Variants in DMXL2 observed in about 807,000 individuals in gnomAD.
DMXL2 encodes the protein Dmx like 2.
Under a neutral mutation model 331.1 loss-of-function variants are expected in DMXL2, and 103 were observed. The ratio of observed to expected loss-of-function variants is 0.31; its 90% confidence interval spans 0.27 to 0.37. DMXL2 has a LOEUF of 0.37. Ranked by LOEUF, DMXL2 falls within the 10% of genes least tolerant of loss-of-function variation. The probability of loss-of-function intolerance (pLI) is 1.00; values close to 1 mark genes in which losing one functional copy is unlikely to be tolerated. For missense variants in DMXL2, 3,171 were observed against 3,642.9 expected (o/e 0.87, Z 3.33); for synonymous variants, 1,281 against 1,252.1 (o/e 1.02, Z -0.49).
chr15:51,535,589 A>T (rs1307108796), intron 13 of DMXL2, 74 bp downstream of exon 13: 3 of 1,393,432 alleles, frequency 2.2e-6, no homozygotes, highest in Non-Finnish European at 2.9e-6. Context: ...ACTAACAAAC[A>T]CAGGTCCTAG....
At chr15:51,464,643 G>A (rs774532038) in intron 32 of DMXL2, 32 bp downstream of exon 32, 54 of 1,585,498 alleles carry the variant, frequency 3.4e-5, no homozygotes, top group Non-Finnish European at 4.3e-5. Flanking sequence ...GTTAAGCTAC[G>A]CTCTTTATCA....
chr15:51,536,975 A>C lies in DMXL2; in HGVS notation c.1618-113T>G, dbSNP rs145791816. ...TTCTTATCAAAAAATGTCATTTTCA[A>C]CCTCTTTATGGTCCAGTCCCCTTGC... On this transcript the variant is annotated intron_variant, in intron 11 of 43. Transcript: ENST00000560891. 2,183 of 903,382 alleles carry C rather than the reference A, an allele frequency of 2.4e-3. 31 individuals carry two copies. The African/African-American group carries it at 0.033, about 14-fold the overall frequency. The allele number at this position is 903,382 out of a possible 1,614,324, so 56.0% of individuals were successfully genotyped here. A position where few individuals can be genotyped will look rare whatever the true frequency, so the allele number is the denominator to read the frequency against.
chr15:51,575,008 C>T (rs565020017), intron 2 of DMXL2, among the ~76,000 whole-genome samples: 1 of 152,134 alleles, frequency 6.6e-6, no homozygotes, highest in East Asian at 1.9e-4. Flanking sequence ...GTTTTCTAAA[C>T]TAAGTGTAAG....
chr15:51,578,240 ACTCAGGT>A (rs2051174694), intron 1 of DMXL2, among the ~76,000 whole-genome samples: 1 of 152,202 alleles, frequency 6.6e-6, no homozygotes, highest in Non-Finnish European at 1.5e-5. Flanking sequence ...AAGTGTTCAA[ACTCAGGT>A]CCTTACAATT....
At chr15:51,601,313 T>A (rs953441993) in intron 1 of DMXL2, among the ~76,000 whole-genome samples, 1 of 110,524 alleles carries the variant, frequency 9.0e-6, no homozygotes, top group Non-Finnish European at 2.1e-5. Context: ...AAAAATTTGA[T>A]GTTTTAAGAA....
In DMXL2 at chr15:51,455,933, A is replaced by G; in HGVS notation, c.8526+133T>C. On this transcript the variant is annotated intron_variant, in intron 39 of 43. Coordinates refer to ENST00000560891, the MANE Select transcript of DMXL2 (RefSeq NM_001378457.1). ...TTGGAAGAAAAGAGAGTGTATGAAT[A>G]GACTCCAACAAACTGTCTACTCAGT... 3.9e-6 allele frequency: 4 copies of G among 1,015,280 alleles called. No individual in the cohort carries two copies. The South Asian group carries it at 6.2e-5, about 16-fold the overall frequency. The allele number at this position is 1,015,280 out of a possible 1,614,324, so 62.9% of individuals were successfully genotyped here. A position where few individuals can be genotyped will look rare whatever the true frequency, so the allele number is the denominator to read the frequency against.
At chr15:51,454,582 C>T (rs979779445) in intron 40 of DMXL2, among the ~76,000 whole-genome samples, 10 of 152,094 alleles carry the variant, frequency 6.6e-5, no homozygotes, top group African/African-American at 1.7e-4. Context: ...CTGCAACCTC[C>T]GCCTCCTGGG....
intron 25 of DMXL2, 49 bp downstream of exon 25, chr15:51,479,899 T>C: frequency 7.5e-7 from 1 of 1,333,272 alleles, no homozygotes; most frequent in Non-Finnish European, 1.0e-6. Flanking sequence ...TATAACATAT[T>C]TACCTTCTCA....
In DMXL2 at chr15:51,499,234, A is replaced by T; in HGVS notation, c.3990T>A (p.Asp1330Glu). 6.2e-7 allele frequency: 1 copy of T among 1,614,058 alleles called. No individual in the cohort carries two copies. Among genetic ancestry groups the T allele is most frequent in the Non-Finnish European group, 8.5e-7 (1 of 1,180,036 alleles). ...DVFCSPTVIQ[D>E]GGLFEAAHVL... is the part of the protein sequence containing the mutation. ...CATGTGCAGCCTCAAATAAGCCACCATCTTGAATTACAGTTGGTGAACAAA... is the reference window on the plus strand; with the variant it reads ...CATGTGCAGCCTCAAATAAGCCACCTTCTTGAATTACAGTTGGTGAACAAA... Residue 1330 changes from aspartate (D) to glutamate (E), a missense_variant, in exon 18 of 44, where the codon GAT (aspartate) becomes GAA (glutamate). Coordinates refer to ENST00000560891, the MANE Select transcript of DMXL2 (RefSeq NM_001378457.1).
intron 3 of DMXL2, among the ~76,000 whole-genome samples, chr15:51,565,822 C>T (rs893736398): frequency 3.3e-5 from 5 of 152,156 alleles, no homozygotes; most frequent in Admixed American, 1.3e-4. Flanking sequence ...TATATGTTAA[C>T]GGCTTGGCAA....
At chr15:51,472,234 T>C (rs935376990) in intron 28 of DMXL2, among the ~76,000 whole-genome samples, 3 of 152,126 alleles carry the variant, frequency 2.0e-5, no homozygotes, top group African/African-American at 7.2e-5. Flanking sequence ...AACTCTTCTA[T>C]CTTCCCTACC....
intron 16 of DMXL2, among the ~76,000 whole-genome samples, chr15:51,504,173 A>G (rs1313631832): frequency 6.6e-6 from 1 of 152,190 alleles, no homozygotes; most frequent in Non-Finnish European, 1.5e-5. Context: ...TTTTTGAAAT[A>G]GATGGATCAT....
chr15:51,474,248 T>G, intron 28 of DMXL2, 96 bp downstream of exon 28: 1 of 1,239,490 alleles, frequency 8.1e-7, no homozygotes, highest in South Asian at 1.5e-5. Context: ...AAGCATCGCT[T>G]ATTTTCAAAG....
At chr15:51,449,360 C>T (rs1002247711) in intron 43 of DMXL2, among the ~76,000 whole-genome samples, 167 bp from the exon 44 acceptor site, 2 of 152,192 alleles carry the variant, frequency 1.3e-5, no homozygotes, top group Non-Finnish European at 2.9e-5. Flanking sequence ...ACCACTCCCA[C>T]GATTCATTTA....
Position 51,504,036 on chromosome 15 carries a change from C to T in DMXL2, c.2765-1003G>A, listed in dbSNP as rs576664742. 2.0e-5 allele frequency among the ~76,000 whole-genome samples: 3 copies of T among 151,944 alleles called. No homozygotes were observed. The East Asian group carries it at 5.8e-4, about 29-fold the overall frequency. Reference sequence around the variant, plus strand: ...GCTAAAAGAAACCCCTTATACAGTCCAGTGCTTACAACCTTTAAAACACAT... The same window carrying T: ...GCTAAAAGAAACCCCTTATACAGTCTAGTGCTTACAACCTTTAAAACACAT... On this transcript the variant is annotated intron_variant, in intron 16 of 43. Coordinates refer to ENST00000560891, the MANE Select transcript of DMXL2 (RefSeq NM_001378457.1).
chr15:51,594,004 A>T (rs2052596931), intron 1 of DMXL2, among the ~76,000 whole-genome samples: 1 of 152,230 alleles, frequency 6.6e-6, no homozygotes, highest in African/African-American at 2.4e-5. Context: ...CAATTAAAAG[A>T]ACTAGAGAAG....
intron 1 of DMXL2, among the ~76,000 whole-genome samples, chr15:51,622,169 C>T (rs1015087223): frequency 1.3e-5 from 2 of 152,232 alleles, no homozygotes; most frequent in Non-Finnish European, 2.9e-5. Flanking sequence ...ACCGAAGGGC[C>T]GCCCTAGGAG....
intron 1 of DMXL2, among the ~76,000 whole-genome samples, chr15:51,617,984 C>T (rs758476286): frequency 2.0e-5 from 3 of 152,140 alleles, no homozygotes; most frequent in Non-Finnish European, 4.4e-5. Flanking sequence ...TCCGTTTAAA[C>T]AAACAAGAAG....
At chr15:51,618,407 G>C (rs1421904903) in intron 1 of DMXL2, among the ~76,000 whole-genome samples, 1 of 151,158 alleles carries the variant, frequency 6.6e-6, no homozygotes, top group East Asian at 1.9e-4. Flanking sequence ...TCAAGGTTTG[G>C]TGTTACCATA....
Sources: allele counts gnomAD v4.1 joint callset (sites outside exome capture counted in the v4.1 genomes callset), GRCh38; gene constraint gnomAD v4.1.1; transcripts MANE v1.5; gene names NCBI Gene and HGNC (gene_info 2026-07-23, HGNC 2026-07-21).